PPFIA4: variants seen among roughly 807,000 people sequenced by gnomAD.
PPFIA4 encodes PPFI scaffold protein A4.
A neutral mutation model predicts 145.7 loss-of-function variants in PPFIA4; 98 were observed. The ratio of observed to expected loss-of-function variants is 0.67; its 90% CI spans 0.57 to 0.80. The LOEUF (loss-of-function observed/expected upper bound fraction) is 0.80, where lower values mean the gene tolerates loss of function less well. Ranked by LOEUF, PPFIA4 falls within the 30% of genes least tolerant of loss-of-function variation. The pLI, the probability that PPFIA4 is intolerant of heterozygous loss-of-function variation, is 0.00. For synonymous variants in PPFIA4, 628 were observed against 649.6 expected, an observed-to-expected ratio of 0.97 and a Z score of 0.51; for missense variants, 1,457 against 1,632.7, an observed-to-expected ratio of 0.89 and a Z score of 1.85.
Position 203,075,741 on chromosome 1 carries a change from G to A in PPFIA4, c.3558G>A (p.Lys1186=). The A allele has an allele frequency of 7.3e-7, 1 of 1,378,724 alleles. No individual in the cohort carries two copies. 85.4% of individuals were successfully genotyped at this position (1,378,724 alleles called of 1,614,324 possible). Residue 1186 remains lysine (K), a synonymous_variant, in exon 29 of 30, where the codon AAG becomes AAA. Transcript: ENST00000295706. The surrounding 1 kb of genome is among the most constrained non-coding windows in gnomAD (Gnocchi z 4.1). ...TGCAGCCCCCACCGGCCCCGCCAAAGAAGATCATGCCTGAAGGTGAGTAAC... is the reference window on the plus strand; with the variant it reads ...TGCAGCCCCCACCGGCCCCGCCAAAAAAGATCATGCCTGAAGGTGAGTAAC... ...GTLQPPPAPP[K]KIMPEAHSHY...
chr1:203,052,089 G>A (rs1484027388), intron 14 of PPFIA4, among the ~76,000 whole-genome samples: 1 of 151,024 alleles, frequency 6.6e-6, no homozygotes, highest in Non-Finnish European at 1.5e-5. Context: ...GCAAGAGGTG[G>A]GGGCTGGCAG....
chr1:203,067,536 A>T, intron 25 of PPFIA4, 159 bp from the exon 26 acceptor site: 1 of 636,352 alleles, frequency 1.6e-6, no homozygotes, highest in Admixed American at 2.5e-5. Context: ...GATGGGTCGC[A>T]GGCAAGGCCC....
chr1:203,033,207 T>C (rs1044659745), intron 1 of PPFIA4, among the ~76,000 whole-genome samples: 16 of 152,168 alleles, frequency 1.1e-4, no homozygotes, highest in African/African-American at 3.9e-4. Flanking sequence ...ATAATGTTCA[T>C]TTTCCAGATT....
intron 27 of PPFIA4, among the ~76,000 whole-genome samples, chr1:203,071,170 ATTTT>A (rs36050212): frequency 1.7e-5 from 2 of 116,604 alleles, no homozygotes. Context: ...CAAGACTGCT[ATTTT>A]TTTTTTTTTT....
chr1:203,032,569 C>T (rs1024549685), intron 1 of PPFIA4, among the ~76,000 whole-genome samples: 1 of 150,238 alleles, frequency 6.7e-6, no homozygotes, highest in Non-Finnish European at 1.5e-5. Flanking sequence ...GTAACTGGGA[C>T]TGTAGTCTGT....
chr1:203,034,165 T>C (rs1558062149), intron 1 of PPFIA4, among the ~76,000 whole-genome samples: 1 of 152,142 alleles, frequency 6.6e-6, no homozygotes, highest in Non-Finnish European at 1.5e-5. Context: ...CAGAAGAGAC[T>C]CCATGGAGGA....
intron 1 of PPFIA4, among the ~76,000 whole-genome samples, chr1:203,033,453 A>C (rs74136936): frequency 0.022 from 3,319 of 152,304 alleles, 112 homozygotes; most frequent in African/African-American, 0.076. Context: ...CTGAGAGTTC[A>C]TGAACACTTA....
intron 25 of PPFIA4, among the ~76,000 whole-genome samples, chr1:203,065,933 T>A (rs932334180): frequency 6.6e-6 from 1 of 152,190 alleles, no homozygotes; most frequent in Non-Finnish European, 1.5e-5. Flanking sequence ...AGGACAAGCA[T>A]GCATGATAGT....
intron 29 of PPFIA4, 139 bp from the exon 30 acceptor site, chr1:203,076,202 C>A: frequency 1.0e-6 from 1 of 958,826 alleles, no homozygotes; most frequent in South Asian, 1.4e-5. Flanking sequence ...TGGCTTGCCC[C>A]TTCCTGCTTC....
chr1:203,043,875 C>T lies in PPFIA4; in HGVS notation c.337-56C>T. 1.3e-6 allele frequency: 2 copies of T among 1,514,804 alleles called. No individual in the cohort carries two copies. Among genetic ancestry groups the T allele is most frequent in the Non-Finnish European group, 1.8e-6 (2 of 1,123,250 alleles). The allele number at this position is 1,514,804 out of a possible 1,614,324, so 93.8% of individuals were successfully genotyped here. On this transcript the variant is annotated intron_variant, in intron 3 of 29. Transcript: ENST00000295706. The surrounding 1 kb of genome is among the most constrained non-coding windows in gnomAD (Gnocchi z 4.4). ...GGATCACATGGACCCTGCTTGTAGC[C>T]CCTGGGGCACATGCTTACAGCCCTC...
intron 24 of PPFIA4, 131 bp downstream of exon 24, chr1:203,061,809 C>T: frequency 1.1e-6 from 1 of 907,924 alleles, no homozygotes; most frequent in Non-Finnish European, 1.6e-6. Context: ...TCTCTGCTCC[C>T]ATCAGAGTGC....
chr1:203,043,581 A>G lies in PPFIA4; in HGVS notation c.336+83A>G. 8.1e-7 allele frequency: 1 copy of G among 1,234,700 alleles called. No individual in the cohort carries two copies. The highest frequency in any genetic ancestry group is 2.5e-5 in the East Asian group (1 of 39,434). The allele number at this position is 1,234,700 out of a possible 1,614,324, so 76.5% of individuals were successfully genotyped here. ...GTGTGTTGTGAACACCTTGACCAAG[A>G]GAGCAGGCAAGAGTGGGGCCAGGCA... is the stretch of plus-strand genomic sequence containing the variant. On this transcript the variant is annotated intron_variant, in intron 3 of 29. Coordinates refer to ENST00000295706, the MANE Select transcript of PPFIA4 (RefSeq NM_001304331.2). This position sits in a 1 kb window ranked among gnomAD's most constrained non-coding sequence, Gnocchi z 4.4.
intron 23 of PPFIA4, chr1:203,061,401 A>C: frequency 1.9e-6 from 1 of 517,186 alleles, no homozygotes; most frequent in Non-Finnish European, 3.4e-6. Flanking sequence ...AGAGCTGGGC[A>C]TCTTGCCTGG....
At chr1:203,065,100 C>G (rs533452708) in intron 25 of PPFIA4, among the ~76,000 whole-genome samples, 1 of 152,304 alleles carries the variant, frequency 6.6e-6, no homozygotes, top group South Asian at 2.1e-4. Context: ...TTGTTAGTGT[C>G]CCCATTTTAT....
At chr1:203,042,416 A>T (rs190915510) in intron 2 of PPFIA4, among the ~76,000 whole-genome samples, 3 of 152,276 alleles carry the variant, frequency 2.0e-5, no homozygotes, top group Admixed American at 2.0e-4. Context: ...TGGCATCAGG[A>T]GCTGGGATGT....
rs777833165 is a variant in PPFIA4 at position 203,071,673 on chromosome 1, C to G, written c.3325-19C>G. 2 of 1,593,626 alleles carry G rather than the reference C, an allele frequency of 1.3e-6. No individual in the cohort carries two copies. The highest frequency in any genetic ancestry group is 1.7e-6 in the Non-Finnish European group (2 of 1,163,370). Reference sequence around the variant, plus strand: ...TATAGCCCTTCCCACCTTTCCCTCTCCTGCTCTATGGACTGCAGGCACGCC... The same window carrying G: ...TATAGCCCTTCCCACCTTTCCCTCTGCTGCTCTATGGACTGCAGGCACGCC... On this transcript the variant is annotated intron_variant, in intron 27 of 29. Coordinates refer to ENST00000295706, the MANE Select transcript of PPFIA4 (RefSeq NM_001304331.2).
intron 8 of PPFIA4, 130 bp from the exon 9 acceptor site, chr1:203,046,118 C>A (rs1168965484): frequency 6.4e-7 from 1 of 1,551,520 alleles, no homozygotes; most frequent in African/African-American, 1.4e-5. Context: ...AGTCAGGCGT[C>A]TCGGGCAGCC....
In PPFIA4 at chr1:203,068,487, T is replaced by C. The variant is rs766394848; in HGVS notation, c.3183T>C (p.His1061=). ...TCTGGACCAACGACCAGGTGGTTCA[T>C]TGGGTCCAGTCTATTGGGCTCCGGG... The part of the protein sequence containing the change: ...VLVWTNDQVV[H]WVQSIGLRDY... The change falls in exon 27 of 30, where the codon CAT becomes CAC. Residue 1061 remains histidine (H), a synonymous_variant. Coordinates refer to ENST00000295706, the MANE Select transcript of PPFIA4 (RefSeq NM_001304331.2). The surrounding 1 kb of genome is among the most constrained non-coding windows in gnomAD (Gnocchi z 4.7). The C allele has an allele frequency of 2.1e-5, 33 of 1,607,980 alleles. No homozygotes were observed. Among genetic ancestry groups the C allele is most frequent in the Non-Finnish European group, 2.5e-5 (30 of 1,177,458 alleles).
At position 203,067,812 on chromosome 1, in the gene PPFIA4, A is replaced by G. The variant is rs1393156013; in HGVS notation, c.3148+20A>G. The G allele has an allele frequency of 3.1e-6, 5 of 1,611,878 alleles. No homozygotes were observed. The highest frequency in any genetic ancestry group is 4.2e-6 in the Non-Finnish European group (5 of 1,178,600). On this transcript the variant is annotated intron_variant, in intron 26 of 29. Coordinates refer to ENST00000295706, the MANE Select transcript of PPFIA4 (RefSeq NM_001304331.2). ...TCAAGGGTAAGCTCGTCAGGCTTGG[A>G]GAGGGTTCGGGAGCAGCCTGCTTGG...
Sources: gnomAD v4.1 joint callset for allele counts (sites outside exome capture counted in the v4.1 genomes callset) on GRCh38, gnomAD v4.1.1 for gene constraint, Gnocchi (gnomAD v3.1) non-coding constraint, MANE v1.5 for transcripts, NCBI Gene and HGNC (gene_info 2026-07-23, HGNC 2026-07-21) for gene names.